Variants in PPARG observed in about 807,000 individuals in gnomAD.
PPARG encodes the protein peroxisome proliferator activated receptor gamma, also known as peroxisome proliferator-activated receptor gamma.
Under a neutral mutation model 39.2 loss-of-function variants are expected in PPARG, and 17 were observed. The observed-to-expected ratio is 0.43, with a 90% CI of 0.30 to 0.65. The LOEUF is 0.65. PPARG is among the 30% of genes least tolerant of loss of function. The pLI, the probability that PPARG is intolerant of heterozygous loss-of-function variation, is 0.13. For missense variants in PPARG, 406 were observed against 585.9 expected (o/e 0.69, Z 3.17); for synonymous variants, 223 against 215.7 (o/e 1.03, Z -0.30).
intron 2 of PPARG, among the ~76,000 whole-genome samples, chr3:12,326,532 A>G (rs1456068809): frequency 6.6e-6 from 1 of 152,228 alleles, no homozygotes; most frequent in Non-Finnish European, 1.5e-5. Context: ...TAACAGTTTT[A>G]CATAGCGCTG....
intron 6 of PPARG, among the ~76,000 whole-genome samples, chr3:12,415,445 G>A (rs553571321): frequency 6.6e-6 from 1 of 152,268 alleles, no homozygotes; most frequent in East Asian, 1.9e-4. Flanking sequence ...CTCCTTATGT[G>A]TCATTCAGTG....
intron 2 of PPARG, among the ~76,000 whole-genome samples, chr3:12,312,945 C>G (rs559911636): frequency 1.3e-5 from 2 of 152,244 alleles, no homozygotes; most frequent in South Asian, 4.1e-4. Context: ...AAACTACTTC[C>G]TTCCTGGAAC....
intron 5 of PPARG, among the ~76,000 whole-genome samples, chr3:12,405,139 TAC>T (rs900023090): frequency 6.6e-6 from 1 of 152,344 alleles, no homozygotes; most frequent in African/African-American, 2.4e-5. Flanking sequence ...GTTGAAAAGT[TAC>T]AGTTTATTTT....
intron 4 of PPARG, among the ~76,000 whole-genome samples, chr3:12,390,413 TTATAG>T (rs1671141363): frequency 1.3e-5 from 2 of 152,078 alleles, no homozygotes; most frequent in Non-Finnish European, 2.9e-5. Flanking sequence ...GGTTAATAAA[TTATAG>T]TATAGTCATA....
At chr3:12,384,928 T>C (rs542790535) in intron 4 of PPARG, among the ~76,000 whole-genome samples, 8 of 152,222 alleles carry the variant, frequency 5.3e-5, no homozygotes, top group African/African-American at 1.7e-4. Flanking sequence ...CTTCTATAAT[T>C]TTAAAAAGAG....
intron 7 of PPARG, among the ~76,000 whole-genome samples, chr3:12,417,364 TCTCTTTC>T (rs1187202851): frequency 6.6e-6 from 1 of 152,116 alleles, no homozygotes; most frequent in Non-Finnish European, 1.5e-5. Context: ...CCCAGGATCT[TCTCTTTC>T]ATCCCTCAAC....
chr3:12,331,365 G>A (rs2047855119), intron 2 of PPARG, among the ~76,000 whole-genome samples: 1 of 152,208 alleles, frequency 6.6e-6, no homozygotes, highest in African/African-American at 2.4e-5. Context: ...GAAGAACCAT[G>A]TTACAGATGG....
chr3:12,302,328 G>C (rs1396547587), intron 1 of PPARG, among the ~76,000 whole-genome samples: 1 of 152,180 alleles, frequency 6.6e-6, no homozygotes, highest in South Asian at 2.1e-4. Context: ...GAGATAGGAA[G>C]CAGATGAGTT....
intron 2 of PPARG, among the ~76,000 whole-genome samples, chr3:12,357,178 G>A (rs1189214411): frequency 3.3e-5 from 5 of 151,872 alleles, no homozygotes; most frequent in African/African-American, 9.7e-5. Flanking sequence ...AGTCAGATCC[G>A]TCACTCCACC....
chr3:12,305,602 G>C (rs2047041254), intron 1 of PPARG, among the ~76,000 whole-genome samples: 1 of 152,148 alleles, frequency 6.6e-6, no homozygotes, highest in South Asian at 2.1e-4. Flanking sequence ...ACAAGAGCTG[G>C]AGTATTTGTT....
rs74352705 is a variant in PPARG at position 12,339,391 on chromosome 3, T to C, written c.-9+26938T>C. Among the ~76,000 whole-genome samples the C allele has an allele frequency of 1.2e-4, 18 of 152,326 alleles. 1 individual carries two copies. In the East Asian group the frequency reaches 3.3e-3, roughly 28 times the overall value. ...ATGTTCTAAAACTGATTTATGGTGA[T>C]GGTTGCAAAGCTTGGTAAATTTACT... On this transcript the variant is annotated intron_variant, in intron 2 of 7. Coordinates refer to ENST00000651735, the MANE Select transcript of PPARG (RefSeq NM_138711.6).
chr3:12,418,571 A>G (rs1431328009), intron 7 of PPARG, among the ~76,000 whole-genome samples: 17 of 152,246 alleles, frequency 1.1e-4, no homozygotes, highest in Admixed American at 1.1e-3. Flanking sequence ...GCAAACATTT[A>G]TTTAATACTT....
At chr3:12,337,448 G>A (rs1051221217) in intron 2 of PPARG, among the ~76,000 whole-genome samples, 2 of 152,144 alleles carry the variant, frequency 1.3e-5, no homozygotes, top group Non-Finnish European at 1.5e-5. Flanking sequence ...CTATGCAAAG[G>A]TTAGGCTGAT....
intron 1 of PPARG, among the ~76,000 whole-genome samples, chr3:12,290,346 G>C (rs941089214): frequency 2.0e-5 from 3 of 151,926 alleles, no homozygotes; most frequent in Non-Finnish European, 4.4e-5. Context: ...ACATTAAAAA[G>C]AATATAATTT....
intron 7 of PPARG, among the ~76,000 whole-genome samples, chr3:12,417,901 C>CTTTTTTTTTTTTTTTT: frequency 2.2e-5 from 1 of 46,148 alleles, no homozygotes; most frequent in Non-Finnish European, 4.1e-5. Flanking sequence ...TTTTTTTTTT[C>CTTTTTTTTTTTTTTTT]CTTTTTTTTT....
At chr3:12,342,553 A>G (rs940757296) in intron 2 of PPARG, among the ~76,000 whole-genome samples, 13 of 152,212 alleles carry the variant, frequency 8.5e-5, no homozygotes, top group African/African-American at 2.9e-4. Context: ...ACCAGGAAGT[A>G]CCATATCTCA....
chr3:12,365,417 A>G (rs1039178610), intron 2 of PPARG, among the ~76,000 whole-genome samples: 2 of 151,948 alleles, frequency 1.3e-5, no homozygotes, highest in South Asian at 4.2e-4. Context: ...TTCATGGTTC[A>G]TGTCTCTGGT....
intron 6 of PPARG, chr3:12,406,532 C>CTTTTTTTTTTTTTTTTGT (rs2050674843): frequency 1.7e-5 from 1 of 60,360 alleles, no homozygotes; most frequent in Non-Finnish European, 3.3e-5. Context: ...AGAGTTACCT[C>CTTTTTTTTTTTTTTTTGT]TTTTTTTTTT....
rs527489696 is a variant in PPARG, at chr3:12,315,579, G to A, written c.-9+3126G>A. Among the ~76,000 whole-genome samples, 87 of 152,200 alleles carry A rather than the reference G, an allele frequency of 5.7e-4. 2 individuals are homozygous for A. Among genetic ancestry groups the A allele is most frequent in the Non-Finnish European group, 1.0e-3 (68 of 68,038 alleles). Reference sequence around the variant, plus strand: ...CTCATTAGATTTTCGCTAATTTATAGAGGAAGATTCTGCATTTGCAAATCT... The same window carrying A: ...CTCATTAGATTTTCGCTAATTTATAAAGGAAGATTCTGCATTTGCAAATCT... On this transcript the variant is annotated intron_variant, in intron 2 of 7. Transcript: ENST00000651735.
Sources: gnomAD v4.1 joint callset for allele counts (sites outside exome capture counted in the v4.1 genomes callset) on GRCh38, gnomAD v4.1.1 for gene constraint, MANE v1.5 for transcripts, NCBI Gene and HGNC (gene_info 2026-07-23, HGNC 2026-07-21) for gene names.